The following WWOX variants were observed in gnomAD, a reference collection of about 807,000 sequenced individuals.
WWOX encodes WW domain containing oxidoreductase.
A neutral mutation model predicts 46.2 loss-of-function variants in WWOX; 69 were observed. That is an observed-to-expected ratio of 1.49 (90% CI 1.23 to 1.82). The LOEUF (loss-of-function observed/expected upper bound fraction) is 1.82. WWOX is among the 40% of genes most tolerant of loss of function. The probability of loss-of-function intolerance (pLI) is 0.00; values close to 1 mark genes in which losing one functional copy is unlikely to be tolerated. For missense variants in WWOX, 919 were observed against 542.6 expected, an observed-to-expected ratio of 1.69 and a Z score of -6.89; for synonymous variants, 359 against 202.6, an observed-to-expected ratio of 1.77 and a Z score of -6.56.
chr16:78,502,758 C>T (rs962974499), intron 8 of WWOX, among the ~76,000 whole-genome samples: 1 of 152,130 alleles, frequency 6.6e-6, no homozygotes, highest in African/African-American at 2.4e-5. Flanking sequence ...AGAAAAAAGT[C>T]ATCATTGCCA....
chr16:78,260,274 C>G lies in WWOX; in HGVS notation c.516+95985C>G, dbSNP rs186408991. 5.9e-5 allele frequency among the ~76,000 whole-genome samples: 9 copies of G among 151,686 alleles called. 1 individual carries two copies. Among genetic ancestry groups the G allele is most frequent in the African/African-American group, 2.2e-4 (9 of 41,272 alleles). On this transcript the variant is annotated intron_variant, in intron 5 of 8. Coordinates refer to ENST00000566780, the MANE Select transcript of WWOX (RefSeq NM_016373.4). ...AGGGGCCTGATTGTTAAAAGAGAAACAAACAGAAAACAACAACATCACTAA... is the reference window on the plus strand; with the variant it reads ...AGGGGCCTGATTGTTAAAAGAGAAAGAAACAGAAAACAACAACATCACTAA...
intron 8 of WWOX, among the ~76,000 whole-genome samples, chr16:78,860,526 C>G (rs2052691553): frequency 6.6e-6 from 1 of 152,160 alleles, no homozygotes; most frequent in Non-Finnish European, 1.5e-5. Flanking sequence ...GACCTCTTAT[C>G]ATGTGCCAGA....
chr16:78,249,861 A>G (rs941488686), intron 5 of WWOX, among the ~76,000 whole-genome samples: 1 of 151,958 alleles, frequency 6.6e-6, no homozygotes, highest in East Asian at 1.9e-4. Flanking sequence ...GGGGGCCTGG[A>G]AGGGGAGAAG....
chr16:78,957,360 C>G (rs974422050), intron 8 of WWOX, among the ~76,000 whole-genome samples: 3 of 152,164 alleles, frequency 2.0e-5, no homozygotes, highest in Admixed American at 1.3e-4. Context: ...TTAGCTTGAG[C>G]TGAATTGTTC....
At chr16:78,363,842 C>T (rs549144466) in intron 5 of WWOX, among the ~76,000 whole-genome samples, 11 of 152,202 alleles carry the variant, frequency 7.2e-5, no homozygotes, top group Admixed American at 7.2e-4. Context: ...GGAACTTGCC[C>T]GAGGTCATGT....
intron 8 of WWOX, among the ~76,000 whole-genome samples, chr16:78,536,819 GTAGCTTCATCA>G (rs1025773591): frequency 4.6e-5 from 7 of 151,016 alleles, no homozygotes; most frequent in African/African-American, 1.5e-4. Context: ...CCATGTCTGT[GTAGCTTCATCA>G]TAGATCTCAG....
chr16:79,051,263 C>T (rs1394244047), intron 8 of WWOX, among the ~76,000 whole-genome samples: 2 of 152,130 alleles, frequency 1.3e-5, no homozygotes, highest in Non-Finnish European at 2.9e-5. Flanking sequence ...AGTGGACTCA[C>T]CAATAATTTT....
In WWOX at chr16:78,622,602, G is replaced by C. The variant is rs1009020675; in HGVS notation, c.1056+189850G>C. 3.3e-5 allele frequency among the ~76,000 whole-genome samples: 5 copies of C among 151,580 alleles called. No homozygotes were observed. In the East Asian group the frequency reaches 5.8e-4, roughly 18 times the overall value. On this transcript the variant is annotated intron_variant, in intron 8 of 8. Coordinates refer to ENST00000566780, the MANE Select transcript of WWOX (RefSeq NM_016373.4). The stretch of plus-strand genomic sequence containing the variant: ...CCTCTGTTTGACAGATGGACCCTAA[G>C]ACGGCCCCAGTGATACCCCACCTCC...
chr16:78,457,434 C>G (rs545040135), intron 8 of WWOX, among the ~76,000 whole-genome samples: 3 of 152,188 alleles, frequency 2.0e-5, no homozygotes, highest in Non-Finnish European at 4.4e-5. Flanking sequence ...CACGTACGTC[C>G]TGAGAAAGCG....
intron 8 of WWOX, among the ~76,000 whole-genome samples, chr16:78,917,124 G>C (rs1198348547): frequency 6.6e-6 from 1 of 152,170 alleles, no homozygotes; most frequent in Admixed American, 6.5e-5. Flanking sequence ...AATTTAGTCT[G>C]ACGTGGCTGG....
At position 78,108,496 on chromosome 16, in the gene WWOX, G is replaced by A. The variant is rs1220647416; in HGVS notation, c.172+9G>A. ...AAAACGAGTGGCAGGAGGTTTGTAT[G>A]TTGTTGTCTAAGGATCTTGGATGGA... On this transcript the variant is annotated intron_variant, in intron 2 of 8. Transcript: ENST00000566780. The A allele has an allele frequency of 6.2e-7, 1 of 1,613,614 alleles. No homozygotes were observed. Among genetic ancestry groups the A allele is most frequent in the Non-Finnish European group, 8.5e-7 (1 of 1,179,682 alleles).
At chr16:78,215,326 A>G (rs1187084584) in intron 5 of WWOX, among the ~76,000 whole-genome samples, 1 of 152,194 alleles carries the variant, frequency 6.6e-6, no homozygotes. Flanking sequence ...TGTAATCTCC[A>G]TAATCCCTAC....
intron 5 of WWOX, among the ~76,000 whole-genome samples, chr16:78,216,062 C>T (rs987036799): frequency 9.2e-5 from 14 of 152,196 alleles, no homozygotes; most frequent in South Asian, 4.1e-4. Context: ...AAACACATCG[C>T]TAACCAATGG....
intron 8 of WWOX, among the ~76,000 whole-genome samples, chr16:78,434,010 C>T (rs2083282610): frequency 6.6e-6 from 1 of 151,848 alleles, no homozygotes; most frequent in Admixed American, 6.6e-5. Context: ...GGGATGGTCT[C>T]AATCTCCTGA....
At chr16:78,613,865 G>C (rs1489223160) in intron 8 of WWOX, among the ~76,000 whole-genome samples, 1 of 152,114 alleles carries the variant, frequency 6.6e-6, no homozygotes, top group South Asian at 2.1e-4. Flanking sequence ...GTATTACAGG[G>C]GTCAGCAAAT....
chr16:79,065,552 C>A (rs1366703252), intron 8 of WWOX, among the ~76,000 whole-genome samples: 4 of 151,964 alleles, frequency 2.6e-5, no homozygotes, highest in Non-Finnish European at 5.9e-5. Flanking sequence ...AAAACCATTC[C>A]AAAAAAACCA....
At chr16:78,755,230 T>G (rs994668580) in intron 8 of WWOX, among the ~76,000 whole-genome samples, 1 of 111,420 alleles carries the variant, frequency 9.0e-6, no homozygotes, top group Admixed American at 8.8e-5. Flanking sequence ...AAAAAAAGTT[T>G]CATCAAAAAA....
intron 5 of WWOX, among the ~76,000 whole-genome samples, chr16:78,325,418 G>A (rs1375838896): frequency 6.6e-6 from 1 of 152,044 alleles, no homozygotes; most frequent in Admixed American, 6.6e-5. Flanking sequence ...CAATTAAATG[G>A]AAAAATTGCC....
At chr16:78,772,018 A>C (rs530148817) in intron 8 of WWOX, among the ~76,000 whole-genome samples, 9 of 152,290 alleles carry the variant, frequency 5.9e-5, no homozygotes, top group Non-Finnish European at 1.0e-4. Context: ...CTTACTGGAA[A>C]TGTTAATTGG....
Sources: allele counts gnomAD v4.1 joint callset (sites outside exome capture counted in the v4.1 genomes callset), GRCh38; gene constraint gnomAD v4.1.1; transcripts MANE v1.5; gene names NCBI Gene and HGNC (gene_info 2026-07-23, HGNC 2026-07-21).